Variants in NDUFS8 observed in about 807,000 individuals in gnomAD.
NDUFS8 encodes the protein NADH dehydrogenase [ubiquinone] iron-sulfur protein 8, mitochondrial.
A neutral mutation model predicts 25.6 loss-of-function variants in NDUFS8; 13 were observed. The observed-to-expected ratio is 0.51, with a 90% confidence interval of 0.33 to 0.81. The LOEUF (loss-of-function observed/expected upper bound fraction) is 0.81, where lower values mean the gene tolerates loss of function less well. Ranked by LOEUF, NDUFS8 falls within the 30% of genes least tolerant of loss-of-function variation. The pLI is 0.02. For synonymous variants in NDUFS8, 119 were observed against 119.4 expected, an observed-to-expected ratio of 1.00 and a Z score of 0.02; for missense variants, 257 against 300.9, an observed-to-expected ratio of 0.85 and a Z score of 1.08.
Position 68,036,611 on chromosome 11 carries a change from G to A in NDUFS8, c.*18G>A. 1.2e-6 allele frequency: 2 copies of A among 1,612,840 alleles called. No homozygotes were observed. Among genetic ancestry groups the A allele is most frequent in the Non-Finnish European group, 8.5e-7 (1 of 1,179,932 alleles). On this transcript the variant is annotated 3_prime_UTR_variant, in exon 7 of 7. Transcript: ENST00000313468. ...ATCGGTGACGCCCCACCGGCCCGCAGCCCCTGCTGCCCAATAAAACCACTC... is the reference window on the plus strand; with the variant it reads ...ATCGGTGACGCCCCACCGGCCCGCAACCCCTGCTGCCCAATAAAACCACTC...
Position 68,036,580 on chromosome 11 carries a change from ACTT to A in NDUFS8, c.621_623del (p.Tyr207_Leu208delinsTer), listed in dbSNP as rs1854897407. On this transcript the variant is annotated stop_gained and inframe_deletion, in exon 7 of 7. Transcript: ENST00000313468. LOFTEE classifies it high-confidence loss of function. Reference sequence around the variant, plus strand: ...ATCGCCGCCAACATCCAGGCTGACTACTTGTATCGGTGACGCCCCACCGGCCCG... The same window carrying A: ...ATCGCCGCCAACATCCAGGCTGACTAGTATCGGTGACGCCCCACCGGCCCG... The A allele has an allele frequency of 6.2e-7, 1 of 1,613,734 alleles. No homozygotes were observed. The highest frequency in any genetic ancestry group is 2.2e-5 in the East Asian group (1 of 44,866).
At chr11:68,030,971 G>T (rs1176986831) in intron 1 of NDUFS8, 1 of 431,342 alleles carries the variant, frequency 2.3e-6, no homozygotes, top group South Asian at 1.6e-5. Context: ...GGTGGGGAAG[G>T]TGCTGGGTTG....
rs78483742 is a variant in NDUFS8, at chr11:68,030,918, G to A, written c.-1+185G>A. 2.2e-4 allele frequency: 98 copies of A among 446,760 alleles called. No individual in the cohort carries two copies. The East Asian group carries it at 3.7e-3, about 17-fold the overall frequency. 27.7% of individuals were successfully genotyped at this position (446,760 alleles called of 1,614,324 possible). ...GGCTCTCAGGGCGCATGCGCCGCCCGCTCTGCGCCACCGGCCTAGTTAGGG... is the reference window on the plus strand; with the variant it reads ...GGCTCTCAGGGCGCATGCGCCGCCCACTCTGCGCCACCGGCCTAGTTAGGG... On this transcript the variant is annotated intron_variant, in intron 1 of 6. Coordinates refer to ENST00000313468, the MANE Select transcript of NDUFS8 (RefSeq NM_002496.4).
At chr11:68,032,460 T>C in intron 3 of NDUFS8, 124 bp downstream of exon 3, 1 of 1,558,576 alleles carries the variant, frequency 6.4e-7, no homozygotes, top group African/African-American at 1.4e-5. Context: ...GTTTCCACTT[T>C]TAAAATGATT....
intron 5 of NDUFS8, chr11:68,035,890 A>C (rs1783383925): frequency 2.7e-6 from 1 of 371,164 alleles, no homozygotes. Context: ...GTGGTGATGC[A>C]CACTTGTAGT....
At chr11:68,032,443 T>A (rs1854790112) in intron 3 of NDUFS8, 107 bp downstream of exon 3, 1 of 1,587,894 alleles carries the variant, frequency 6.3e-7, no homozygotes, top group Admixed American at 1.8e-5. Context: ...CGTTCTTCTC[T>A]GAGCCTGTTT....
intron 5 of NDUFS8, 88 bp from the exon 6 acceptor site, chr11:68,036,165 C>G: frequency 6.3e-7 from 1 of 1,598,334 alleles, no homozygotes; most frequent in Non-Finnish European, 8.5e-7. Context: ...TCTGGCAGAC[C>G]CCAGGGGTGG....
intron 3 of NDUFS8, 102 bp downstream of exon 3, chr11:68,032,438 T>G: frequency 1.3e-6 from 2 of 1,596,648 alleles, no homozygotes; most frequent in Non-Finnish European, 1.7e-6. Context: ...AGGGGCGTTC[T>G]TCTCTGAGCC....
chr11:68,032,885 G>A (rs1168207815), intron 3 of NDUFS8, 38 bp from the exon 4 acceptor site: 2 of 1,596,300 alleles, frequency 1.3e-6, no homozygotes, highest in Non-Finnish European at 1.7e-6. Flanking sequence ...CAGTGTGTGA[G>A]GCCTCTTGCC....
At chr11:68,035,845 C>T in intron 5 of NDUFS8, 1 of 380,676 alleles carries the variant, frequency 2.6e-6, no homozygotes, top group East Asian at 7.5e-5. Context: ...TGGTGAAACC[C>T]CATCTCTACT....
intron 5 of NDUFS8, 174 bp downstream of exon 5, chr11:68,033,457 C>A: frequency 1.2e-6 from 1 of 815,378 alleles, no homozygotes; most frequent in Non-Finnish European, 2.0e-6. Flanking sequence ...GTTACCAGAG[C>A]ACAGAGTCAG....
Position 68,033,363 on chromosome 11 carries a change from C to T in NDUFS8, c.372+80C>T, listed in dbSNP as rs1238957941. The T allele has an allele frequency of 3.3e-6, 5 of 1,504,936 alleles. No individual in the cohort carries two copies. The South Asian group carries it at 5.9e-5, about 18-fold the overall frequency. The allele number at this position is 1,504,936 out of a possible 1,614,324, so 93.2% of individuals were successfully genotyped here. A position where few individuals can be genotyped will look rare whatever the true frequency, so the allele number is the denominator to read the frequency against. On this transcript the variant is annotated intron_variant, in intron 5 of 6. Transcript: ENST00000313468. ...GGCCAGGCAGCCCTAGGCCCAAACC[C>T]TAGCCCCTGCTTGATGTGCGTCCCC... is the stretch of plus-strand genomic sequence containing the variant.
chr11:68,032,707 C>A, intron 3 of NDUFS8: 1 of 783,668 alleles, frequency 1.3e-6, no homozygotes, highest in Non-Finnish European at 2.0e-6. Context: ...GCTCCAATGG[C>A]CACCCAAGCA....
intron 5 of NDUFS8, chr11:68,035,171 T>C (rs147231460): frequency 1.3e-5 from 2 of 153,494 alleles, no homozygotes; most frequent in East Asian, 3.9e-4. Flanking sequence ...GCACAGTGGC[T>C]CACACCTGTA....
intron 1 of NDUFS8, chr11:68,031,780 G>C: frequency 2.7e-6 from 1 of 375,060 alleles, no homozygotes; most frequent in South Asian, 2.2e-5. Flanking sequence ...AACAAAGTTC[G>C]CTCTCAGTGC....
At chr11:68,030,901 G>GGGCGCCGGCCCTCAT (rs1377412002) in intron 1 of NDUFS8, 168 bp downstream of exon 1, 3 of 445,582 alleles carry the variant, frequency 6.7e-6, no homozygotes, top group African/African-American at 6.1e-5. Flanking sequence ...CCGGCTCTCA[G>GGGCGCCGGCCCTCAT]GGCGCATGCG....
chr11:68,030,896 T>TCAGGGCGCTGGCC, intron 1 of NDUFS8, 163 bp downstream of exon 1: 1 of 442,584 alleles, frequency 2.3e-6, no homozygotes, highest in Non-Finnish European at 4.5e-6. Context: ...GGGAGCCGGC[T>TCAGGGCGCTGGCC]CTCAGGGCGC....
intron 1 of NDUFS8, chr11:68,031,817 T>G: frequency 4.6e-6 from 2 of 430,290 alleles, no homozygotes; most frequent in Non-Finnish European, 8.7e-6. Flanking sequence ...GTAATGTTGT[T>G]TTTGGTTAGA....
chr11:68,030,936 A>G (rs879281523), intron 1 of NDUFS8: 15 of 440,422 alleles, frequency 3.4e-5, no homozygotes, highest in Non-Finnish European at 5.5e-5. Flanking sequence ...CCACCGGCCT[A>G]GTTAGGGTCG....
Sources: gnomAD v4.1 joint callset for allele counts on GRCh38, gnomAD v4.1.1 for gene constraint, MANE v1.5 for transcripts, NCBI Gene and HGNC (gene_info 2026-07-23, HGNC 2026-07-21) for gene names.